The following HERC2 variants were observed in gnomAD, a reference collection of about 807,000 sequenced individuals.
HERC2 encodes the protein HECT and RLD domain containing E3 ubiquitin protein ligase 2.
HERC2 carries 102 observed loss-of-function variants against 537.7 expected under a neutral mutation model. The observed-to-expected ratio is 0.19, with a 90% CI of 0.16 to 0.22. HERC2 has a LOEUF of 0.22. HERC2 is among the 10% of genes least tolerant of loss of function. HERC2 has a pLI of 1.00. For synonymous variants in HERC2, 2,224 were observed against 2,466.2 expected, an observed-to-expected ratio of 0.90 and a Z score of 2.91; for missense variants, 4,236 against 6,198.2, an observed-to-expected ratio of 0.68 and a Z score of 10.63.
In HERC2 at chr15:28,194,906, A is replaced by C. The variant is rs182472232; in HGVS notation, c.8260+1309T>G. On this transcript the variant is annotated intron_variant, in intron 52 of 92. Transcript: ENST00000261609. ...TCTCACCTCTACTAAAAATACAAAA[A>C]TTAGCCAGGCATGGTGGTGGGAGCC... Among the ~76,000 whole-genome samples, 74 of 151,970 alleles carry C rather than the reference A, an allele frequency of 4.9e-4. No individual in the cohort carries two copies. The East Asian group carries it at 9.6e-3, about 20-fold the overall frequency.
Position 28,114,775 on chromosome 15 carries a change from T to G in HERC2, c.13750A>C (p.Met4584Leu), listed in dbSNP as rs138341710. The G allele has an allele frequency of 2.7e-5, 44 of 1,614,042 alleles. No homozygotes were observed. In the African/African-American group the frequency reaches 5.6e-4, roughly 21 times the overall value. The change falls in exon 90 of 93, where the codon ATG (methionine) becomes CTG (leucine). Residue 4584 changes from methionine to leucine, a missense_variant. Around this residue, in one of 27 missense-constraint regions of HERC2, gnomAD observed 313 missense variants for 462.6 expected, o/e 0.68. Transcript: ENST00000261609. The part of the protein sequence containing the change: ...EVDKDFIPGL[M>L]YIRDNEATSE... ...GTGGCTTCATTGTCTCGGATGTACA[T>G]GAGTCCAGGAATAAAATCCTTATCA...
intron 23 of HERC2, among the ~76,000 whole-genome samples, chr15:28,241,798 C>T (rs543884024): frequency 2.4e-4 from 37 of 151,998 alleles, no homozygotes; most frequent in African/African-American, 8.2e-4. Context: ...CCAACCTGGG[C>T]GACAGAGCAA....
chr15:28,210,557 A>T (rs1386418392), intron 44 of HERC2, among the ~76,000 whole-genome samples: 1 of 152,214 alleles, frequency 6.6e-6, no homozygotes, highest in Non-Finnish European at 1.5e-5. Flanking sequence ...TCATTTCCTC[A>T]GACGCCCATT....
intron 70 of HERC2, among the ~76,000 whole-genome samples, chr15:28,147,956 G>A (rs1891935758): frequency 6.6e-6 from 1 of 151,762 alleles, no homozygotes; most frequent in Admixed American, 6.6e-5. Flanking sequence ...AGGACGGCTT[G>A]AGCCTGGGAG....
Position 28,130,093 on chromosome 15 carries a change from C to T in HERC2, c.12802+70G>A, listed in dbSNP as rs549103407. The T allele has an allele frequency of 3.7e-5, 59 of 1,576,034 alleles. 1 individual carries two copies. In the South Asian group the frequency reaches 4.2e-4, roughly 11 times the overall value. On this transcript the variant is annotated intron_variant, in intron 83 of 92. Coordinates refer to ENST00000261609, the MANE Select transcript of HERC2 (RefSeq NM_004667.6). ...TGGCCTGTGCCCCCTTTTAAGGCTG[C>T]GCATGTCCTTCATGCTCAACCCTCT...
chr15:28,232,202 T>C (rs969116605), intron 30 of HERC2, among the ~76,000 whole-genome samples: 1 of 152,222 alleles, frequency 6.6e-6, no homozygotes, highest in Non-Finnish European at 1.5e-5. Flanking sequence ...CAGTAATCAA[T>C]ACTGGTCAAT....
chr15:28,273,389 C>A (rs577383933), intron 7 of HERC2, among the ~76,000 whole-genome samples: 1 of 152,340 alleles, frequency 6.6e-6, no homozygotes, highest in African/African-American at 2.4e-5. Context: ...GAACCAATTT[C>A]TAAAACCACC....
At chr15:28,207,880 G>A (rs1236095755) in intron 44 of HERC2, among the ~76,000 whole-genome samples, 3 of 151,834 alleles carry the variant, frequency 2.0e-5, no homozygotes, top group Non-Finnish European at 4.4e-5. Context: ...ATCCAGAGAC[G>A]ATGTGTAAAC....
intron 3 of HERC2, among the ~76,000 whole-genome samples, chr15:28,294,977 A>G (rs573202503): frequency 6.6e-6 from 1 of 152,064 alleles, no homozygotes; most frequent in Admixed American, 6.5e-5. Context: ...ATCTGAACAG[A>G]AACTCACAGA....
chr15:28,189,378 T>C (rs1858116257), intron 55 of HERC2, among the ~76,000 whole-genome samples: 1 of 152,218 alleles, frequency 6.6e-6, no homozygotes, highest in African/African-American at 2.4e-5. Flanking sequence ...CTGGTTTGGC[T>C]AAAGTAAAAA....
intron 23 of HERC2, among the ~76,000 whole-genome samples, chr15:28,240,054 G>GTT (rs202042453): frequency 3.3e-5 from 5 of 151,408 alleles, no homozygotes; most frequent in African/African-American, 1.2e-4. Context: ...ATATTGTAGG[G>GTT]TTTTTTTTTA....
At position 28,279,062 on chromosome 15, in the gene HERC2, G is replaced by A. The variant is rs112616073; in HGVS notation, c.542+1006C>T. Reference sequence around the variant, plus strand: ...TGTTGCCCAGGCTGGCACAATCTCCGCTCACCGCAACCTCCACCTCCCGGG... The same window carrying A: ...TGTTGCCCAGGCTGGCACAATCTCCACTCACCGCAACCTCCACCTCCCGGG... On this transcript the variant is annotated intron_variant, in intron 5 of 92. Coordinates refer to ENST00000261609, the MANE Select transcript of HERC2 (RefSeq NM_004667.6). 3.3e-3 allele frequency among the ~76,000 whole-genome samples: 505 copies of A among 152,108 alleles called. 4 individuals are homozygous for A. Among genetic ancestry groups the A allele is most frequent in the African/African-American group, 0.012 (478 of 41,484 alleles).
intron 74 of HERC2, among the ~76,000 whole-genome samples, 174 bp from the exon 75 acceptor site, chr15:28,143,126 C>A (rs921050499): frequency 4.0e-5 from 6 of 151,852 alleles, no homozygotes; most frequent in African/African-American, 1.5e-4. Context: ...AACATAAACA[C>A]TGAAATAAAA....
At chr15:28,188,740 T>C (rs1052334350) in intron 55 of HERC2, among the ~76,000 whole-genome samples, 1 of 152,096 alleles carries the variant, frequency 6.6e-6, no homozygotes, top group African/African-American at 2.4e-5. Context: ...ATGTTGAAGC[T>C]GGGTGACAGG....
chr15:28,251,510 T>G (rs2075081215), intron 20 of HERC2, among the ~76,000 whole-genome samples: 1 of 144,876 alleles, frequency 6.9e-6, no homozygotes, highest in African/African-American at 2.6e-5. Flanking sequence ...TAAAACTAAT[T>G]TTAATAATGG....
rs1226376881 is a variant in HERC2, at chr15:28,274,466, C to A, written c.644-19G>T. ...TCCTCGCCTGGGCGCACACACGCGT[C>A]AGAGGAGCCCCCCCACTCCCCTCAC... On this transcript the variant is annotated intron_variant, in intron 6 of 92. Transcript: ENST00000261609. 6.3e-7 allele frequency: 1 copy of A among 1,589,120 alleles called. No homozygotes were observed. The highest frequency in any genetic ancestry group is 1.7e-5 in the Admixed American group (1 of 57,288).
intron 3 of HERC2, among the ~76,000 whole-genome samples, chr15:28,295,034 C>A (rs2076424031): frequency 6.6e-6 from 1 of 151,922 alleles, no homozygotes; most frequent in South Asian, 2.1e-4. Context: ...CATTGTTAGC[C>A]ATTACAGAAT....
At position 28,176,623 on chromosome 15, in the gene HERC2, T is replaced by C; in HGVS notation, c.9515-24A>G. 3.1e-6 allele frequency: 5 copies of C among 1,613,946 alleles called. No homozygotes were observed. The highest frequency in any genetic ancestry group is 4.2e-6 in the Non-Finnish European group (5 of 1,179,928). Reference sequence around the variant, plus strand: ...ACCTAGGTTTAAGAAACACATATACTTCAGGCCAGCGTTTCATATCATTCC... The same window carrying C: ...ACCTAGGTTTAAGAAACACATATACCTCAGGCCAGCGTTTCATATCATTCC... On this transcript the variant is annotated intron_variant, in intron 62 of 92. Coordinates refer to ENST00000261609, the MANE Select transcript of HERC2 (RefSeq NM_004667.6). This position sits in a 1 kb window ranked among gnomAD's most constrained non-coding sequence, Gnocchi z 5.0.
intron 3 of HERC2, among the ~76,000 whole-genome samples, chr15:28,295,577 T>C (rs1016897311): frequency 2.0e-5 from 3 of 152,140 alleles, no homozygotes; most frequent in East Asian, 1.9e-4. Flanking sequence ...TTTTTGTTTT[T>C]AGTAGAGATG....
Sources: allele counts gnomAD v4.1 joint callset (sites outside exome capture counted in the v4.1 genomes callset), GRCh38; gene constraint gnomAD v4.1.1; regional missense constraint gnomAD v4.1.1; non-coding constraint Gnocchi (gnomAD v3.1); transcripts MANE v1.5; gene names NCBI Gene and HGNC (gene_info 2026-07-23, HGNC 2026-07-21).